Variants in CORIN observed in about 807,000 individuals in gnomAD.
The protein encoded by CORIN is corin, serine peptidase, also known as atrial natriuretic peptide-converting enzyme.
A neutral mutation model predicts 125.3 loss-of-function variants in CORIN; 117 were observed. That is an observed-to-expected ratio of 0.93 (90% CI 0.80 to 1.09). CORIN has a LOEUF of 1.09. Ranked by LOEUF, CORIN falls within the 50% of genes least tolerant of loss-of-function variation. CORIN has a pLI of 0.00. For missense variants in CORIN, 1,253 were observed against 1,306.7 expected (o/e 0.96, Z 0.63); for synonymous variants, 450 against 466.4 (o/e 0.96, Z 0.45).
rs142904418 is a variant in CORIN at position 47,761,480 on chromosome 4, T to TACACACACACACACACAC, written c.617+1881_617+1898dup. ...CAATGAATGCATAAAGAAAATGTGA[T>TACACACACACACACACAC]ACACACACACACACACACACACACA... is the stretch of plus-strand genomic sequence containing the variant. On this transcript the variant is annotated intron_variant, in intron 4 of 21. Transcript: ENST00000273857. 3.1e-3 allele frequency among the ~76,000 whole-genome samples: 451 copies of TACACACACACACACACAC among 144,460 alleles called. 2 individuals are homozygous for TACACACACACACACACAC. The highest frequency in any genetic ancestry group is 0.011 in the African/African-American group (420 of 39,350). The allele number at this position is 144,460 out of a possible 152,430, so 94.8% of individuals were successfully genotyped here.
intron 4 of CORIN, among the ~76,000 whole-genome samples, chr4:47,747,875 T>A (rs973824730): frequency 6.6e-6 from 1 of 152,198 alleles, no homozygotes; most frequent in African/African-American, 2.4e-5. Context: ...AAGTCAAAAT[T>A]CATTCTTTAA....
chr4:47,738,682 C>T (rs1157250216), intron 5 of CORIN, among the ~76,000 whole-genome samples: 1 of 152,030 alleles, frequency 6.6e-6, no homozygotes, highest in African/African-American at 2.4e-5. Context: ...GGAACATATG[C>T]CCATATAGAG....
At chr4:47,807,244 G>A (rs767239656) in intron 1 of CORIN, among the ~76,000 whole-genome samples, 197 bp from the exon 2 acceptor site, 2 of 152,216 alleles carry the variant, frequency 1.3e-5, no homozygotes, top group Non-Finnish European at 2.9e-5. Context: ...TCAGGGAAGA[G>A]CAAACTATCT....
At chr4:47,656,497 A>G (rs1228261885) in intron 12 of CORIN, among the ~76,000 whole-genome samples, 1 of 152,218 alleles carries the variant, frequency 6.6e-6, no homozygotes, top group Non-Finnish European at 1.5e-5. Flanking sequence ...TATGCAAATC[A>G]ATCAATGTGA....
At chr4:47,791,648 A>T (rs1731087262) in intron 2 of CORIN, among the ~76,000 whole-genome samples, 1 of 152,246 alleles carries the variant, frequency 6.6e-6, no homozygotes, top group Non-Finnish European at 1.5e-5. Flanking sequence ...TTGAGTTGGG[A>T]CATGGCAAAT....
intron 11 of CORIN, 113 bp downstream of exon 11, chr4:47,664,919 G>A: frequency 1.6e-6 from 1 of 616,502 alleles, no homozygotes; most frequent in Non-Finnish European, 2.9e-6. Context: ...TAAAGTATTT[G>A]ATAAATGCAG....
chr4:47,620,168 A>G (rs76043836), intron 19 of CORIN, among the ~76,000 whole-genome samples: 3 of 152,202 alleles, frequency 2.0e-5, no homozygotes, highest in Non-Finnish European at 2.9e-5. Context: ...CAAAACATGT[A>G]TCCATCTGTG....
chr4:47,767,383 C>A (rs2109878980), intron 3 of CORIN, among the ~76,000 whole-genome samples: 1 of 151,956 alleles, frequency 6.6e-6, no homozygotes, highest in South Asian at 2.1e-4. Context: ...GAAAAATATT[C>A]ATCTATCTCT....
At chr4:47,723,487 G>A (rs1328832395) in intron 5 of CORIN, among the ~76,000 whole-genome samples, 1 of 152,188 alleles carries the variant, frequency 6.6e-6, no homozygotes, top group East Asian at 1.9e-4. Context: ...GATCCAGAGA[G>A]CACTACAAAG....
Position 47,642,043 on chromosome 4 carries a change from A to C in CORIN, c.2075T>G (p.Leu692Arg). The change falls in exon 16 of 22, where the codon CTC becomes CGC. Residue 692 changes from leucine (L) to arginine (R), a missense_variant. Coordinates refer to ENST00000273857, the MANE Select transcript of CORIN (RefSeq NM_006587.4). ...DSSDEWDCVT[L>R]SINVNSSSFL... Reference sequence around the variant, plus strand: ...GGAAGAGGAGTTCACATTTATAGAGAGGGTCACTAGGGAAAGAAAAGACAA... The same window carrying C: ...GGAAGAGGAGTTCACATTTATAGAGCGGGTCACTAGGGAAAGAAAAGACAA... 6.2e-7 allele frequency: 1 copy of C among 1,612,542 alleles called. No homozygotes were observed. Among genetic ancestry groups the C allele is most frequent in the South Asian group, 1.1e-5 (1 of 90,920 alleles).
chr4:47,673,693 C>T (rs943934612), intron 10 of CORIN, among the ~76,000 whole-genome samples: 1 of 152,132 alleles, frequency 6.6e-6, no homozygotes, highest in African/African-American at 2.4e-5. Flanking sequence ...GTTACACTGT[C>T]ACCGAAACAA....
rs377103953 is a variant in CORIN at position 47,651,511 on chromosome 4, C to G, written c.1843+2042G>C. Among the ~76,000 whole-genome samples the G allele has an allele frequency of 1.6e-4, 24 of 152,310 alleles. No homozygotes were observed. The South Asian group carries it at 5.0e-3, about 32-fold the overall frequency. On this transcript the variant is annotated intron_variant, in intron 13 of 21. Coordinates refer to ENST00000273857, the MANE Select transcript of CORIN (RefSeq NM_006587.4). Reference sequence around the variant, plus strand: ...GTCCTCCCAAATCACTGAACAAGCCCATTCAAATGCATGCAGAAGTATCAA... The same window carrying G: ...GTCCTCCCAAATCACTGAACAAGCCGATTCAAATGCATGCAGAAGTATCAA...
At chr4:47,704,719 C>G (rs1414616612) in intron 5 of CORIN, among the ~76,000 whole-genome samples, 3 of 152,096 alleles carry the variant, frequency 2.0e-5, no homozygotes, top group Non-Finnish European at 4.4e-5. Context: ...TAAAAACACG[C>G]TATCGATCAA....
At chr4:47,662,648 A>T (rs546063438) in intron 11 of CORIN, among the ~76,000 whole-genome samples, 132 of 152,148 alleles carry the variant, frequency 8.7e-4, no homozygotes, top group Non-Finnish European at 1.5e-3. Flanking sequence ...TAACCAAAGT[A>T]AGTTCCTAGG....
At chr4:47,642,353 A>G (rs556058173) in intron 15 of CORIN, among the ~76,000 whole-genome samples, 34 of 152,360 alleles carry the variant, frequency 2.2e-4, no homozygotes, top group Middle Eastern at 6.8e-3. Flanking sequence ...CCATGAGTTA[A>G]CCAGGATTTG....
intron 5 of CORIN, among the ~76,000 whole-genome samples, chr4:47,718,500 G>A (rs1295174279): frequency 3.9e-5 from 6 of 152,148 alleles, no homozygotes; most frequent in East Asian, 3.8e-4. Flanking sequence ...TCCAGCATGC[G>A]TGCAATAAAA....
intron 5 of CORIN, among the ~76,000 whole-genome samples, chr4:47,734,540 G>A (rs1302774171): frequency 2.6e-5 from 4 of 152,138 alleles, no homozygotes; most frequent in Non-Finnish European, 5.9e-5. Context: ...CTGTATCACA[G>A]CATATTTACA....
At chr4:47,600,798 C>T (rs1407137638) in intron 20 of CORIN, among the ~76,000 whole-genome samples, 1 of 152,174 alleles carries the variant, frequency 6.6e-6, no homozygotes, top group Admixed American at 6.5e-5. Context: ...TTGTCCTATT[C>T]TTGATGAAAA....
At chr4:47,748,238 G>T (rs140761211) in intron 4 of CORIN, among the ~76,000 whole-genome samples, 1 of 152,268 alleles carries the variant, frequency 6.6e-6, no homozygotes, top group East Asian at 1.9e-4. Flanking sequence ...GAAGCATTTT[G>T]CTTTTCATCA....
Sources: gnomAD v4.1 joint callset for allele counts (sites outside exome capture counted in the v4.1 genomes callset) on GRCh38, gnomAD v4.1.1 for gene constraint, MANE v1.5 for transcripts, NCBI Gene and HGNC (gene_info 2026-07-23, HGNC 2026-07-21) for gene names.